The following XCR1 variants were observed in gnomAD, a reference collection of about 807,000 sequenced individuals.
XCR1 encodes the protein chemokine XC receptor 1.
For missense variants in XCR1, 356 were observed against 424.2 expected (o/e 0.84, Z 1.41); for synonymous variants, 187 against 188.5 (o/e 0.99, Z 0.06).
In XCR1 at chr3:46,020,910, T is replaced by G. The variant is rs7650968; in HGVS notation, c.*36A>C. ...TCCATGACCCCCATTCCAGTCCCTG[T>G]CCACCTGCACCTGCGCCTGCACCGC... On this transcript the variant is annotated 3_prime_UTR_variant, in exon 2 of 2. Transcript: ENST00000309285. The G allele has an allele frequency of 9.3e-4, 1,486 of 1,590,440 alleles. 1 individual carries two copies. The highest frequency in any genetic ancestry group is 1.2e-3 in the Non-Finnish European group (1,360 of 1,168,440).
rs1708087857 is a variant in XCR1, at chr3:46,018,732, T to C, written c.*2214A>G. On this transcript the variant is annotated 3_prime_UTR_variant, in exon 2 of 2. Transcript: ENST00000309285. ...CCCATTGGCAAATAGATCATTGAAG[T>C]TGCATCTGGAACTGAAGGGGAAATG... The C allele has an allele frequency of 6.6e-6, 1 of 152,216 alleles. No homozygotes were observed. Among genetic ancestry groups the C allele is most frequent in the Non-Finnish European group, 1.5e-5 (1 of 68,048 alleles). The allele number at this position is 152,216 out of a possible 1,614,324, so 9.4% of individuals were successfully genotyped here. A position where few individuals can be genotyped will look rare whatever the true frequency, so the allele number is the denominator to read the frequency against.
chr3:46,037,243 A>C (rs1697446503), intron 5 of XCR1, among the ~76,000 whole-genome samples: 1 of 152,146 alleles, frequency 6.6e-6, no homozygotes, highest in Non-Finnish European at 1.5e-5. Flanking sequence ...AATTTTGTCT[A>C]ATTCAGGAGT....
intron 4 of XCR1, among the ~76,000 whole-genome samples, chr3:46,061,980 G>A (rs1490291367): frequency 1.3e-5 from 2 of 152,172 alleles, no homozygotes; most frequent in Non-Finnish European, 2.9e-5. Flanking sequence ...AACCCCTAAG[G>A]GAAGGGTTTT....
At chr3:46,062,750 A>G (rs1697988325) in intron 4 of XCR1, among the ~76,000 whole-genome samples, 1 of 152,212 alleles carries the variant, frequency 6.6e-6, no homozygotes, top group African/African-American at 2.4e-5. Context: ...AGGAGGCAAC[A>G]GGGCCTTGTG....
chr3:46,073,806 C>G (rs1332068838), intron 3 of XCR1, among the ~76,000 whole-genome samples: 3 of 151,510 alleles, frequency 2.0e-5, no homozygotes, highest in Non-Finnish European at 4.4e-5. Context: ...ATACAAATGA[C>G]CAAAAAGCAT....
intron 5 of XCR1, among the ~76,000 whole-genome samples, chr3:46,044,502 C>T (rs1261817694): frequency 1.3e-5 from 2 of 151,844 alleles, no homozygotes; most frequent in Non-Finnish European, 2.9e-5. Flanking sequence ...AATATTTTCT[C>T]CCATTCTGTA....
intron 5 of XCR1, among the ~76,000 whole-genome samples, chr3:46,043,840 A>C (rs1317286982): frequency 2.0e-5 from 3 of 152,116 alleles, no homozygotes; most frequent in Admixed American, 2.0e-4. Flanking sequence ...TGTTTTTTTA[A>C]AGCATACAAA....
chr3:46,046,694 G>C (rs540997677), intron 5 of XCR1, among the ~76,000 whole-genome samples: 4 of 152,194 alleles, frequency 2.6e-5, no homozygotes, highest in Admixed American at 2.6e-4. Context: ...AGAAGACAGA[G>C]ACAAAAAAAC....
intron 4 of XCR1, among the ~76,000 whole-genome samples, chr3:46,054,109 G>T (rs1697804983): frequency 6.6e-6 from 1 of 152,186 alleles, no homozygotes; most frequent in South Asian, 2.1e-4. Flanking sequence ...AAAAGACAAA[G>T]ACAAAAGAGC....
upstream of XCR1, among the ~76,000 whole-genome samples, chr3:46,031,606 C>T (rs1207825561): frequency 1.3e-5 from 2 of 152,208 alleles, no homozygotes; most frequent in Non-Finnish European, 2.9e-5. Context: ...GGTGAACAAG[C>T]TCCTGGGCAG....
At chr3:46,036,041 T>A (rs1697425124) in intron 5 of XCR1, among the ~76,000 whole-genome samples, 1 of 152,210 alleles carries the variant, frequency 6.6e-6, no homozygotes, top group South Asian at 2.1e-4. Flanking sequence ...TCAGACTGTG[T>A]TTTGGTGATT....
At chr3:46,078,298 C>T (rs900788012) in intron 1 of XCR1, among the ~76,000 whole-genome samples, 1 of 152,138 alleles carries the variant, frequency 6.6e-6, no homozygotes, top group Non-Finnish European at 1.5e-5. Flanking sequence ...CTTGGCTCTA[C>T]TATCTGACTT....
chr3:46,019,432 C>G lies in XCR1; in HGVS notation c.*1514G>C, dbSNP rs1248120277. ...GAGATAAGACATTGCATGTGTGTAA[C>G]TACAACACAAGGTTGTTTTATTTTA... On this transcript the variant is annotated 3_prime_UTR_variant, in exon 2 of 2. Transcript: ENST00000309285. 6.6e-6 allele frequency: 1 copy of G among 152,186 alleles called. No individual in the cohort carries two copies. The highest frequency in any genetic ancestry group is 6.5e-5 in the Admixed American group (1 of 15,278). The allele number at this position is 152,186 out of a possible 1,614,324, so 9.4% of individuals were successfully genotyped here. A position where few individuals can be genotyped will look rare whatever the true frequency, so the allele number is the denominator to read the frequency against.
intron 4 of XCR1, among the ~76,000 whole-genome samples, chr3:46,064,983 C>T (rs997449544): frequency 2.0e-5 from 3 of 151,956 alleles, no homozygotes; most frequent in South Asian, 2.1e-4. Flanking sequence ...CCCAGCTACT[C>T]GGGAGGCTGA....
chr3:46,062,627 A>G lies in XCR1; in HGVS notation c.-183+4272T>C, dbSNP rs572070001. ...GTTACTCTTTTGGGAATTTTCCCCA[A>G]TAGTTCTCTTGTATCTCTAATTCCC... On this transcript the variant is annotated intron_variant, in intron 4 of 5. Transcript: ENST00000683768. Among the ~76,000 whole-genome samples, 7 of 152,356 alleles carry G rather than the reference A, an allele frequency of 4.6e-5. No individual in the cohort carries two copies. In the South Asian group the frequency reaches 1.2e-3, roughly 27 times the overall value.
Position 46,021,827 on chromosome 3 carries a change from C to A in XCR1, c.121G>T (p.Val41Leu). 1 of 1,614,040 alleles carries A rather than the reference C, an allele frequency of 6.2e-7. No homozygotes were observed. Among genetic ancestry groups the A allele is most frequent in the African/African-American group, 1.3e-5 (1 of 74,966 alleles). The change falls in exon 2 of 2, where the codon GTG becomes TTG. Residue 41 changes from valine (V) to leucine (L), a missense_variant. Physicochemically the swap from Val to Leu is conservative, Grantham distance 32. Transcript: ENST00000309285. This position sits in a 1 kb window ranked among gnomAD's most constrained non-coding sequence, Gnocchi z 4.7. Reference protein sequence around the residue: ...TLATTVLYCLVFLLSLVGNSL... With the variant: ...TLATTVLYCLLFLLSLVGNSL... ...TTGCCCACTAGGCTGAGGAGAAACA[C>A]CAGGCAGTATAGGACAGTGGTGGCG...
At position 46,021,525 on chromosome 3, in the gene XCR1, G is replaced by T; in HGVS notation, c.423C>A (p.Pro141=). Residue 141 remains proline (P), a synonymous_variant, in exon 2 of 2, where the codon CCC becomes CCA. Coordinates refer to ENST00000309285, the MANE Select transcript of XCR1 (RefSeq NM_001024644.2). The surrounding 1 kb of genome is among the most constrained non-coding windows in gnomAD (Gnocchi z 4.7). ...VVSPLSTLRV[P]TLRCRVLVTM... is the part of the protein sequence containing the mutation. ...TCACCAGCACCCGGCAGCGGAGGGT[G>T]GGGACGCGCAGGGTGGAGAGGGGGC... The T allele has an allele frequency of 1.2e-6, 2 of 1,611,812 alleles. No individual in the cohort carries two copies. The highest frequency in any genetic ancestry group is 1.7e-6 in the Non-Finnish European group (2 of 1,178,844).
upstream of XCR1, among the ~76,000 whole-genome samples, chr3:46,031,696 G>A (rs1055958078): frequency 6.6e-6 from 1 of 152,230 alleles, no homozygotes; most frequent in Non-Finnish European, 1.5e-5. Context: ...ACAGTCCCAC[G>A]AACCACAGGG....
chr3:46,021,537 G>A lies in XCR1; in HGVS notation c.411C>T (p.Thr137=), dbSNP rs1200796165. 6.8e-6 allele frequency: 11 copies of A among 1,610,954 alleles called. No individual in the cohort carries two copies. The highest frequency in any genetic ancestry group is 9.3e-6 in the Non-Finnish European group (11 of 1,178,484). ...RYLSVVSPLS[T]LRVPTLRCRV... ...GGCAGCGGAGGGTGGGGACGCGCAG[G>A]GTGGAGAGGGGGCTCACTACCGACA... is the stretch of plus-strand genomic sequence containing the variant. The change falls in exon 2 of 2, where the codon ACC becomes ACT. Residue 137 remains threonine (T), a synonymous_variant. Transcript: ENST00000309285. This position sits in a 1 kb window ranked among gnomAD's most constrained non-coding sequence, Gnocchi z 4.7.
Sources: allele counts gnomAD v4.1 joint callset (sites outside exome capture counted in the v4.1 genomes callset), GRCh38; gene constraint gnomAD v4.1.1; non-coding constraint Gnocchi (gnomAD v3.1); transcripts MANE v1.5; gene names NCBI Gene and HGNC (gene_info 2026-07-23, HGNC 2026-07-21).